The following SCNN1G variants were observed in gnomAD, a reference collection of about 807,000 sequenced individuals.
SCNN1G encodes epithelial sodium channel subunit gamma.
SCNN1G carries 27 observed loss-of-function variants against 64.6 expected under a neutral mutation model. The ratio of observed to expected loss-of-function variants is 0.42; its 90% CI spans 0.31 to 0.58. The LOEUF is 0.58. SCNN1G is among the 20% of genes least tolerant of loss of function. SCNN1G has a pLI of 0.18. For missense variants in SCNN1G, 743 were observed against 823.4 expected (o/e 0.90, Z 1.19); for synonymous variants, 330 against 314.2 (o/e 1.05, Z -0.53).
intron 6 of SCNN1G, 82 bp downstream of exon 6, chr16:23,197,509 T>A (rs1242043626): frequency 1.6e-6 from 2 of 1,250,052 alleles, no homozygotes; most frequent in Non-Finnish European, 2.3e-6. Context: ...GTGCAGCTTA[T>A]GGAAAAGGGT....
At chr16:23,190,686 A>G (rs1416744562) in intron 3 of SCNN1G, among the ~76,000 whole-genome samples, 1 of 152,098 alleles carries the variant, frequency 6.6e-6, no homozygotes, top group African/African-American at 2.4e-5. Flanking sequence ...GGGGAAAGGA[A>G]ATTCTTCCAA....
intron 6 of SCNN1G, among the ~76,000 whole-genome samples, chr16:23,203,769 C>CAA (rs71151702): frequency 0.051 from 2,173 of 42,210 alleles, 606 homozygotes; most frequent in East Asian, 0.069. Context: ...GACTCCGTCT[C>CAA]AAAAAAAAAA....
At chr16:23,190,170 G>A (rs369636927) in intron 3 of SCNN1G, among the ~76,000 whole-genome samples, 2 of 151,866 alleles carry the variant, frequency 1.3e-5, no homozygotes, top group African/African-American at 2.4e-5. Context: ...TGATAGGTGC[G>A]GCAAACCACC....
intron 6 of SCNN1G, among the ~76,000 whole-genome samples, chr16:23,204,423 CTT>C (rs1353632588): frequency 1.0e-4 from 14 of 134,638 alleles, no homozygotes; most frequent in African/African-American, 3.0e-4. Context: ...GGAAAAATAA[CTT>C]TGAGTGAAAA....
Position 23,209,698 on chromosome 16 carries a change from C to T in SCNN1G, c.1078-52C>T, listed in dbSNP as rs1008023753. On this transcript the variant is annotated intron_variant, in intron 6 of 12. Coordinates refer to ENST00000300061, the MANE Select transcript of SCNN1G (RefSeq NM_001039.4). ...TGTCTGGTGCTCCTTGCAAAGCCCC[C>T]GCCTGGGTCCGGGGGGAGGACAGGG... The T allele has an allele frequency of 2.2e-5, 30 of 1,394,782 alleles. No individual in the cohort carries two copies. The Middle Eastern group carries it at 5.3e-4, about 25-fold the overall frequency. The allele number at this position is 1,394,782 out of a possible 1,614,324, so 86.4% of individuals were successfully genotyped here.
In SCNN1G at chr16:23,189,646, C is replaced by G; in HGVS notation, c.593C>G (p.Ser198Cys). The part of the protein sequence containing the change: ...HKASNVMHIE[S>C]KQVVGFQLCS... Reference sequence around the variant, plus strand: ...GCTTCAAATGTCATGCACATCGAGTCCAAGCAAGTGGTGGGATTCCAACTG... The same window carrying G: ...GCTTCAAATGTCATGCACATCGAGTGCAAGCAAGTGGTGGGATTCCAACTG... The change falls in exon 3 of 13, where the codon TCC (serine) becomes TGC (cysteine). Residue 198 changes from serine to cysteine, a missense_variant. Physicochemically the swap from Ser to Cys is moderately radical, Grantham distance 112. Transcript: ENST00000300061. 1 of 1,614,194 alleles carries G rather than the reference C, an allele frequency of 6.2e-7. No individual in the cohort carries two copies. Among genetic ancestry groups the G allele is most frequent in the South Asian group, 1.1e-5 (1 of 91,074 alleles).
chr16:23,204,786 T>C (rs1278782833), intron 6 of SCNN1G, among the ~76,000 whole-genome samples: 2 of 152,134 alleles, frequency 1.3e-5, no homozygotes, highest in South Asian at 2.1e-4. Flanking sequence ...CCAGTTATTT[T>C]ATTATTTCAT....
chr16:23,214,626 C>A, intron 11 of SCNN1G, 86 bp from the exon 12 acceptor site: 1 of 1,088,406 alleles, frequency 9.2e-7, no homozygotes, highest in Non-Finnish European at 1.4e-6. Flanking sequence ...ATGCTGCCAG[C>A]TTGGGTAGGA....
intron 2 of SCNN1G, among the ~76,000 whole-genome samples, chr16:23,188,913 T>C (rs1047259263): frequency 6.6e-6 from 1 of 152,186 alleles, no homozygotes; most frequent in Non-Finnish European, 1.5e-5. Flanking sequence ...GTAACAGTTA[T>C]ACCCTCCTTC....
intron 7 of SCNN1G, among the ~76,000 whole-genome samples, chr16:23,210,963 A>G (rs1210449457): frequency 6.6e-6 from 1 of 152,182 alleles, no homozygotes; most frequent in African/African-American, 2.4e-5. Context: ...CCTTGAGCCT[A>G]AATGTTCAAG....
intron 3 of SCNN1G, among the ~76,000 whole-genome samples, chr16:23,190,772 C>T (rs1959694083): frequency 6.7e-6 from 1 of 149,144 alleles, no homozygotes; most frequent in African/African-American, 2.5e-5. Context: ...TCGTGCAGTA[C>T]TTGCCTTCAT....
At chr16:23,190,831 A>AT (rs896029487) in intron 3 of SCNN1G, among the ~76,000 whole-genome samples, 3,466 of 56,338 alleles carry the variant, frequency 0.062, 724 homozygotes, top group African/African-American at 0.079. Flanking sequence ...ATTTGAGGGG[A>AT]TTTTTTTTTT....
At chr16:23,206,475 T>G (rs777032904) in intron 6 of SCNN1G, among the ~76,000 whole-genome samples, 4 of 152,144 alleles carry the variant, frequency 2.6e-5, no homozygotes, top group Non-Finnish European at 5.9e-5. Flanking sequence ...GCTTGCTGGG[T>G]GCAGCGCCCC....
chr16:23,212,138 G>T lies in SCNN1G; in HGVS notation c.1281G>T (p.Gln427His), dbSNP rs151223712. The T allele has an allele frequency of 1.1e-4, 183 of 1,610,916 alleles. No individual in the cohort carries two copies. The highest frequency in any genetic ancestry group is 1.4e-4 in the Non-Finnish European group (170 of 1,177,348). The change falls in exon 8 of 13, where the codon CAG becomes CAT. Residue 427 changes from glutamine to histidine, a missense_variant. Gln to His is a conservative substitution (Grantham distance 24). Transcript: ENST00000300061. ...CAGCCAACTACTGCAACTACCAGCA[G>T]CACCCCAACTGGAGTGAGTGAGACC... ...PPAANYCNYQ[Q>H]HPNWMYCYYQ...
chr16:23,199,803 C>G (rs1263716559), intron 6 of SCNN1G, among the ~76,000 whole-genome samples: 4 of 150,786 alleles, frequency 2.7e-5, no homozygotes, highest in Non-Finnish European at 4.4e-5. Flanking sequence ...TCCCGAGTAG[C>G]TGGGACTACA....
chr16:23,208,746 CTT>C (rs1004248629), intron 6 of SCNN1G, among the ~76,000 whole-genome samples: 3 of 149,362 alleles, frequency 2.0e-5, no homozygotes, highest in African/African-American at 7.4e-5. Context: ...CTCTCTCTCT[CTT>C]TGTTTTCAAA....
intron 6 of SCNN1G, among the ~76,000 whole-genome samples, chr16:23,205,262 G>T (rs1193146510): frequency 6.6e-6 from 1 of 152,102 alleles, no homozygotes; most frequent in South Asian, 2.1e-4. Context: ...AATGACCATT[G>T]ACCATAATAC....
Position 23,215,424 on chromosome 16 carries a change from C to A in SCNN1G, c.1905C>A (p.Ala635=), listed in dbSNP as rs771698225. 17 of 1,613,428 alleles carry A rather than the reference C, an allele frequency of 1.1e-5. 1 individual carries two copies. In the South Asian group the frequency reaches 1.9e-4, roughly 18 times the overall value. ...ACAATACCTTGCGCTTGGAGAGGGC[C>A]TTTTCCAACCAGCTCACAGATACCC... is the stretch of plus-strand genomic sequence containing the variant. ...PKYNTLRLER[A]FSNQLTDTQM... is the part of the protein sequence containing the mutation. The change falls in exon 13 of 13, where the codon GCC becomes GCA. Residue 635 remains alanine, a synonymous_variant. Transcript: ENST00000300061.
chr16:23,208,319 C>T (rs543367697), intron 6 of SCNN1G, among the ~76,000 whole-genome samples: 1 of 152,056 alleles, frequency 6.6e-6, no homozygotes, highest in East Asian at 1.9e-4. Context: ...TGCACTCCAC[C>T]CTGGGTGACA....
Sources: gnomAD v4.1 joint callset for allele counts (sites outside exome capture counted in the v4.1 genomes callset) on GRCh38, gnomAD v4.1.1 for gene constraint, MANE v1.5 for transcripts, NCBI Gene and HGNC (gene_info 2026-07-23, HGNC 2026-07-21) for gene names.